Variants in TEAD1 observed in about 807,000 individuals in gnomAD.
The protein encoded by TEAD1 is transcriptional enhancer factor TEF-1.
TEAD1 carries 9 observed loss-of-function variants against 54.9 expected under a neutral mutation model. The ratio of observed to expected loss-of-function variants is 0.16; its 90% confidence interval spans 0.10 to 0.29. The LOEUF (loss-of-function observed/expected upper bound fraction) is 0.29, where lower values mean the gene tolerates loss of function less well. TEAD1 is among the 10% of genes least tolerant of loss of function. TEAD1 has a pLI of 1.00. For synonymous variants in TEAD1, 200 were observed against 187.8 expected, an observed-to-expected ratio of 1.07 and a Z score of -0.53; for missense variants, 387 against 535.9, an observed-to-expected ratio of 0.72 and a Z score of 2.74.
intron 10 of TEAD1, among the ~76,000 whole-genome samples, chr11:12,913,264 T>C (rs546741445): frequency 1.3e-5 from 2 of 152,220 alleles, no homozygotes; most frequent in Admixed American, 6.5e-5. Flanking sequence ...GTCCACCCCA[T>C]GTTAATTTAC....
intron 5 of TEAD1, among the ~76,000 whole-genome samples, chr11:12,878,129 T>C (rs1156882074): frequency 6.6e-6 from 1 of 152,188 alleles, no homozygotes; most frequent in African/African-American, 2.4e-5. Context: ...TTTTTCTTTA[T>C]TGGCTCTTTT....
In TEAD1 at chr11:12,888,282, G is replaced by T. The variant is rs574458085; in HGVS notation, c.699+5157G>T. ...CCAGCACTTTGGGAGGCCAAGGCGGGTGGGTCACTTGAGGCCAGAAGTTTA... is the reference window on the plus strand; with the variant it reads ...CCAGCACTTTGGGAGGCCAAGGCGGTTGGGTCACTTGAGGCCAGAAGTTTA... On this transcript the variant is annotated intron_variant, in intron 9 of 12. Coordinates refer to ENST00000527636, the MANE Select transcript of TEAD1 (RefSeq NM_021961.6). Among the ~76,000 whole-genome samples, 2 of 152,246 alleles carry T rather than the reference G, an allele frequency of 1.3e-5. 1 individual carries two copies. The highest frequency in any genetic ancestry group is 4.1e-4 in the South Asian group (2 of 4,834).
intron 2 of TEAD1, among the ~76,000 whole-genome samples, chr11:12,728,125 T>C (rs983706611): frequency 6.6e-6 from 1 of 152,094 alleles, no homozygotes; most frequent in Non-Finnish European, 1.5e-5. Context: ...GAGGTGAGCC[T>C]GAGGACTGTG....
At position 12,765,554 on chromosome 11, in the gene TEAD1, GA is replaced by G. The variant is rs200984646; in HGVS notation, c.202+1121del. 7.9e-3 allele frequency among the ~76,000 whole-genome samples: 1,197 copies of G among 152,260 alleles called. 21 individuals are homozygous for G. The highest frequency in any genetic ancestry group is 0.028 in the African/African-American group (1,144 of 41,554). On this transcript the variant is annotated intron_variant, in intron 3 of 12. Transcript: ENST00000527636. ...GCACTTCCTCTGTCAGGAGCCGTAG[GA>G]GACTGTGGCTTCAACTAGCACACAC...
At chr11:12,809,688 AG>A (rs1766585547) in intron 3 of TEAD1, among the ~76,000 whole-genome samples, 1 of 152,122 alleles carries the variant, frequency 6.6e-6, no homozygotes, top group Admixed American at 6.5e-5. Flanking sequence ...AGTCTAAAGG[AG>A]GGGGCAAAAC....
chr11:12,805,701 T>C (rs1946155366), intron 3 of TEAD1, among the ~76,000 whole-genome samples: 1 of 152,210 alleles, frequency 6.6e-6, no homozygotes, highest in Non-Finnish European at 1.5e-5. Flanking sequence ...CATGGAGTTT[T>C]AGAAATTGTG....
intron 2 of TEAD1, among the ~76,000 whole-genome samples, chr11:12,692,052 A>G (rs896469545): frequency 6.6e-6 from 1 of 152,186 alleles, no homozygotes; most frequent in South Asian, 2.1e-4. Context: ...TAACATAGCT[A>G]TTGTTTTAGT....
chr11:12,930,762 A>G (rs1948999127), intron 12 of TEAD1, among the ~76,000 whole-genome samples: 1 of 152,182 alleles, frequency 6.6e-6, no homozygotes, highest in Non-Finnish European at 1.5e-5. Context: ...CAGCAGCAAC[A>G]TGGTATGCAA....
At chr11:12,802,816 C>T (rs1198519179) in intron 3 of TEAD1, among the ~76,000 whole-genome samples, 1 of 152,192 alleles carries the variant, frequency 6.6e-6, no homozygotes, top group Non-Finnish European at 1.5e-5. Flanking sequence ...CTTTGTTCTC[C>T]TGGTTGAAAG....
At chr11:12,804,816 G>GT (rs1207486911) in intron 3 of TEAD1, among the ~76,000 whole-genome samples, 2 of 152,112 alleles carry the variant, frequency 1.3e-5, no homozygotes, top group South Asian at 4.1e-4. Flanking sequence ...TAGAGAGAAC[G>GT]TAAAAACTAG....
At chr11:12,868,183 T>C (rs1465197225) in intron 5 of TEAD1, among the ~76,000 whole-genome samples, 1 of 152,160 alleles carries the variant, frequency 6.6e-6, no homozygotes, top group Non-Finnish European at 1.5e-5. Flanking sequence ...CAGGGAAGGG[T>C]GTGGCAGAGT....
In TEAD1 at chr11:12,867,286, C is replaced by T. The variant is rs1413403098; in HGVS notation, c.330+2386C>T. Among the ~76,000 whole-genome samples the T allele has an allele frequency of 3.3e-5, 5 of 152,216 alleles. No homozygotes were observed. In the South Asian group the frequency reaches 1.0e-3, roughly 31 times the overall value. ...ACACTGTACCTAAACTGTCACCCCT[C>T]ACAGTCTTTGGGGCTGGGCATTCAG... On this transcript the variant is annotated intron_variant, in intron 5 of 12. Transcript: ENST00000527636.
intron 2 of TEAD1, among the ~76,000 whole-genome samples, chr11:12,760,489 C>T (rs112446656): frequency 3.3e-5 from 5 of 152,146 alleles, no homozygotes; most frequent in Non-Finnish European, 5.9e-5. Flanking sequence ...TCTCCTACCT[C>T]TTGCCCCAGT....
chr11:12,729,784 T>C (rs944923141), intron 2 of TEAD1, among the ~76,000 whole-genome samples: 1 of 152,186 alleles, frequency 6.6e-6, no homozygotes, highest in Non-Finnish European at 1.5e-5. Context: ...CTATCCGACT[T>C]CTGCTGAAAT....
chr11:12,836,835 G>A (rs1270676306), intron 3 of TEAD1, among the ~76,000 whole-genome samples: 5 of 152,134 alleles, frequency 3.3e-5, no homozygotes, highest in South Asian at 2.1e-4. Context: ...GGTAAAAGTC[G>A]GAGAGTAATG....
chr11:12,919,687 A>G lies in TEAD1; in HGVS notation c.874-5225A>G, dbSNP rs575458994. On this transcript the variant is annotated intron_variant, in intron 10 of 12. Coordinates refer to ENST00000527636, the MANE Select transcript of TEAD1 (RefSeq NM_021961.6). ...TAAAAAAAAAAAATTATTTGTAGAG[A>G]TGGCATCTCCCTATGTTGCCCAGGC... Among the ~76,000 whole-genome samples, 4 of 152,000 alleles carry G rather than the reference A, an allele frequency of 2.6e-5. No homozygotes were observed. The South Asian group carries it at 8.3e-4, about 32-fold the overall frequency.
At chr11:12,934,572 TAAA>T (rs544252673) in intron 12 of TEAD1, among the ~76,000 whole-genome samples, 1 of 141,862 alleles carries the variant, frequency 7.0e-6, no homozygotes, top group Admixed American at 7.1e-5. Flanking sequence ...AAGCTAAACT[TAAA>T]AAAAAAAAAG....
Position 12,748,291 on chromosome 11 carries a change from C to G in TEAD1, c.-54-15888C>G, listed in dbSNP as rs547403080. On this transcript the variant is annotated intron_variant, in intron 2 of 12. Coordinates refer to ENST00000527636, the MANE Select transcript of TEAD1 (RefSeq NM_021961.6). ...CCCTGCAATTCTTAGAAATACCTAC[C>G]AAGGACAATATCAGCAAAAGTTTTT... Among the ~76,000 whole-genome samples, 296 of 152,288 alleles carry G rather than the reference C, an allele frequency of 1.9e-3. 14 individuals are homozygous for G. The South Asian group carries it at 0.058, about 30-fold the overall frequency.
At chr11:12,812,740 G>C (rs1394906104) in intron 3 of TEAD1, among the ~76,000 whole-genome samples, 1 of 152,158 alleles carries the variant, frequency 6.6e-6, no homozygotes, top group African/African-American at 2.4e-5. Context: ...TCCAGAATCA[G>C]GCCATGCATC....
Sources: allele counts gnomAD v4.1 joint callset (sites outside exome capture counted in the v4.1 genomes callset), GRCh38; gene constraint gnomAD v4.1.1; transcripts MANE v1.5; gene names NCBI Gene and HGNC (gene_info 2026-07-23, HGNC 2026-07-21).